The following KCNB2 variants were observed in gnomAD, a reference collection of about 807,000 sequenced individuals.
The protein encoded by KCNB2 is potassium voltage-gated channel subfamily B member 2.
In KCNB2, 15 loss-of-function variants were observed where a neutral mutation model predicts 61.5. That is an observed-to-expected ratio of 0.24 (90% CI 0.16 to 0.38). The LOEUF (loss-of-function observed/expected upper bound fraction) is 0.38, where lower values mean the gene tolerates loss of function less well. Among genes scored for constraint, KCNB2 ranks in the 10% least tolerant of loss-of-function variants. The probability of loss-of-function intolerance (pLI) is 1.00; values close to 1 mark genes in which losing one functional copy is unlikely to be tolerated. For synonymous variants in KCNB2, 457 were observed against 446.0 expected (o/e 1.02, Z -0.31); for missense variants, 828 against 1,125.2 (o/e 0.74, Z 3.78).
At chr8:72,746,470 C>G (rs1808069655) in intron 2 of KCNB2, among the ~76,000 whole-genome samples, 1 of 152,014 alleles carries the variant, frequency 6.6e-6, no homozygotes, top group Admixed American at 6.6e-5. Context: ...GAAAAGACAC[C>G]AACAAACAAA....
At chr8:72,921,262 T>C (rs1280990866) in intron 2 of KCNB2, among the ~76,000 whole-genome samples, 1 of 152,180 alleles carries the variant, frequency 6.6e-6, no homozygotes, top group Non-Finnish European at 1.5e-5. Flanking sequence ...ATGTTTTCTA[T>C]TCTACTCTCA....
At chr8:72,714,514 T>A (rs1368652713) in intron 2 of KCNB2, among the ~76,000 whole-genome samples, 1 of 143,412 alleles carries the variant, frequency 7.0e-6, no homozygotes, top group Non-Finnish European at 1.5e-5. Flanking sequence ...TTCAACATTC[T>A]TAAAGAAAAG....
chr8:72,927,884 C>T (rs1166484146), intron 2 of KCNB2, among the ~76,000 whole-genome samples: 1 of 152,158 alleles, frequency 6.6e-6, no homozygotes, highest in East Asian at 1.9e-4. Flanking sequence ...CTTTGCCCAC[C>T]ATTTTCCTCA....
intron 2 of KCNB2, among the ~76,000 whole-genome samples, chr8:72,668,093 C>T (rs1424247479): frequency 1.3e-5 from 2 of 152,194 alleles, no homozygotes; most frequent in African/African-American, 2.4e-5. Context: ...GTTTGGAATG[C>T]AGGAGAAACC....
At chr8:72,596,423 CT>C (rs1361655211) in intron 2 of KCNB2, among the ~76,000 whole-genome samples, 16 of 152,266 alleles carry the variant, frequency 1.1e-4, no homozygotes, top group African/African-American at 3.9e-4. Context: ...CCTCTCTGGC[CT>C]TTTGTCTCCA....
intron 2 of KCNB2, among the ~76,000 whole-genome samples, chr8:72,625,594 G>A (rs1805776958): frequency 6.6e-6 from 1 of 151,902 alleles, no homozygotes; most frequent in South Asian, 2.1e-4. Context: ...CCATGCCCAG[G>A]TTATTTTTGT....
intron 2 of KCNB2, among the ~76,000 whole-genome samples, chr8:72,919,865 C>A (rs1176711835): frequency 6.6e-6 from 1 of 152,040 alleles, no homozygotes; most frequent in Non-Finnish European, 1.5e-5. Context: ...TTATTGCAGA[C>A]ATATGTCTTC....
intron 2 of KCNB2, among the ~76,000 whole-genome samples, chr8:72,883,460 A>G (rs1211031886): frequency 6.6e-6 from 1 of 152,130 alleles, no homozygotes; most frequent in Non-Finnish European, 1.5e-5. Flanking sequence ...TATAAAAGCA[A>G]CTCATTTGTT....
chr8:72,790,010 G>T (rs780853143), intron 2 of KCNB2, among the ~76,000 whole-genome samples: 7 of 152,158 alleles, frequency 4.6e-5, no homozygotes, highest in Non-Finnish European at 1.0e-4. Context: ...AAAGAATTGG[G>T]TGAAATATGA....
intron 2 of KCNB2, among the ~76,000 whole-genome samples, chr8:72,666,385 T>C (rs1198862222): frequency 6.6e-6 from 1 of 152,200 alleles, no homozygotes; most frequent in African/African-American, 2.4e-5. Flanking sequence ...CTTGAGAAAG[T>C]GTGATTTTGC....
At chr8:72,640,824 T>G (rs768229852) in intron 2 of KCNB2, among the ~76,000 whole-genome samples, 11 of 152,150 alleles carry the variant, frequency 7.2e-5, no homozygotes, top group Non-Finnish European at 1.6e-4. Context: ...TCTTTTAAAT[T>G]ATGCTATTAT....
Position 72,915,678 on chromosome 8 carries a change from G to A in KCNB2, c.580-20257G>A, listed in dbSNP as rs543757515. Among the ~76,000 whole-genome samples, 5 of 152,208 alleles carry A rather than the reference G, an allele frequency of 3.3e-5. No homozygotes were observed. The South Asian group carries it at 1.0e-3, about 32-fold the overall frequency. Reference sequence around the variant, plus strand: ...CTCATACCTGTAATCCCAGCACTTTGGGAGGCTGAGGCGGGCGGATCATGA... The same window carrying A: ...CTCATACCTGTAATCCCAGCACTTTAGGAGGCTGAGGCGGGCGGATCATGA... On this transcript the variant is annotated intron_variant, in intron 2 of 2. Coordinates refer to ENST00000523207, the MANE Select transcript of KCNB2 (RefSeq NM_004770.3).
At chr8:72,931,821 TG>T (rs1806790893) in intron 2 of KCNB2, among the ~76,000 whole-genome samples, 1 of 152,162 alleles carries the variant, frequency 6.6e-6, no homozygotes, top group Non-Finnish European at 1.5e-5. Flanking sequence ...GAGACCAGCC[TG>T]GCCAACGTGG....
intron 2 of KCNB2, among the ~76,000 whole-genome samples, chr8:72,723,234 C>G (rs1451052972): frequency 6.6e-6 from 1 of 152,144 alleles, no homozygotes; most frequent in Non-Finnish European, 1.5e-5. Context: ...ACCCTCCATG[C>G]CTCACTTTAA....
chr8:72,583,869 A>G (rs1298832823), intron 2 of KCNB2, among the ~76,000 whole-genome samples: 4 of 151,282 alleles, frequency 2.6e-5, no homozygotes, highest in Admixed American at 1.3e-4. Flanking sequence ...ATTGTCCTAG[A>G]TACCCATTTT....
chr8:72,579,921 G>A (rs1350861588), intron 2 of KCNB2, among the ~76,000 whole-genome samples: 3 of 152,238 alleles, frequency 2.0e-5, no homozygotes, highest in Non-Finnish European at 4.4e-5. Flanking sequence ...GGGTCATGAA[G>A]TGAAAAGCAC....
In KCNB2 at chr8:72,937,339, G is replaced by C. The variant is rs778971065; in HGVS notation, c.1984G>C (p.Ala662Pro). 1.2e-6 allele frequency: 2 copies of C among 1,614,026 alleles called. No homozygotes were observed. The highest frequency in any genetic ancestry group is 3.3e-5 in the Admixed American group (2 of 60,030). Reference sequence around the variant, plus strand: ...TCTATCCAGAGAGAAAGGACCTGCTGCCAGGGATGGCACGCTGGAGTATGC... The same window carrying C: ...TCTATCCAGAGAGAAAGGACCTGCTCCCAGGGATGGCACGCTGGAGTATGC... ...LTLSREKGPA[A>P]RDGTLEYAPV... The change falls in exon 3 of 3, where the codon GCC (alanine) becomes CCC (proline). Residue 662 changes from alanine (A) to proline (P), a missense_variant. Transcript: ENST00000523207.
chr8:72,780,358 A>C (rs1808733597), intron 2 of KCNB2, among the ~76,000 whole-genome samples: 1 of 152,130 alleles, frequency 6.6e-6, no homozygotes, highest in South Asian at 2.1e-4. Flanking sequence ...TCCTCTATCA[A>C]ATAAGTGCAA....
chr8:72,644,254 C>T (rs142491307), intron 2 of KCNB2, among the ~76,000 whole-genome samples: 3 of 152,052 alleles, frequency 2.0e-5, no homozygotes, highest in African/African-American at 7.2e-5. Flanking sequence ...TTCACCCCCC[C>T]CTTCTCTTTA....
Sources: allele counts gnomAD v4.1 joint callset (sites outside exome capture counted in the v4.1 genomes callset), GRCh38; gene constraint gnomAD v4.1.1; transcripts MANE v1.5; gene names NCBI Gene and HGNC (gene_info 2026-07-23, HGNC 2026-07-21).